The following SLC39A11 variants were observed in gnomAD, a reference collection of about 807,000 sequenced individuals.
SLC39A11 encodes the protein zinc transporter ZIP11.
In SLC39A11, 33 loss-of-function variants were observed where a neutral mutation model predicts 36.1. That is an observed-to-expected ratio of 0.91 (90% CI 0.69 to 1.22). The LOEUF is 1.22. SLC39A11 is among the 50% of genes most tolerant of loss of function. The probability of loss-of-function intolerance (pLI) is 0.00; values close to 1 mark genes in which losing one functional copy is unlikely to be tolerated. For synonymous variants in SLC39A11, 166 were observed against 170.3 expected (o/e 0.97, Z 0.20); for missense variants, 432 against 430.3 (o/e 1.00, Z -0.03).
chr17:72,836,915 C>G (rs1358733294), intron 6 of SLC39A11, among the ~76,000 whole-genome samples: 1 of 152,158 alleles, frequency 6.6e-6, no homozygotes, highest in Non-Finnish European at 1.5e-5. Flanking sequence ...GAAGCAGAAG[C>G]TGTTGCATCA....
intron 6 of SLC39A11, among the ~76,000 whole-genome samples, chr17:72,760,418 GC>G (rs1357731462): frequency 6.6e-6 from 1 of 152,196 alleles, no homozygotes; most frequent in African/African-American, 2.4e-5. Context: ...ATCCATCTGA[GC>G]CTTTTGCTCC....
chr17:72,912,759 G>A (rs1405647925), intron 5 of SLC39A11, among the ~76,000 whole-genome samples: 1 of 152,176 alleles, frequency 6.6e-6, no homozygotes, highest in Non-Finnish European at 1.5e-5. Context: ...AGCTGACATG[G>A]AGAAGGCAGA....
At chr17:73,070,994 T>C (rs182687505) in intron 3 of SLC39A11, among the ~76,000 whole-genome samples, 1 of 152,296 alleles carries the variant, frequency 6.6e-6, no homozygotes, top group Non-Finnish European at 1.5e-5. Flanking sequence ...TGCCTTATCC[T>C]AGGGTCCCTC....
At chr17:72,727,544 C>T (rs951541813) in intron 7 of SLC39A11, among the ~76,000 whole-genome samples, 3 of 148,774 alleles carry the variant, frequency 2.0e-5, no homozygotes, top group African/African-American at 4.9e-5. Context: ...CCCAGCTACT[C>T]GGGAGGCAGA....
At chr17:73,010,574 A>G (rs1345626233) in intron 4 of SLC39A11, among the ~76,000 whole-genome samples, 2 of 152,166 alleles carry the variant, frequency 1.3e-5, no homozygotes, top group African/African-American at 4.8e-5. Flanking sequence ...TCTAGATGTT[A>G]ATATTTTTTC....
chr17:72,989,050 C>A (rs2088973039), intron 4 of SLC39A11, among the ~76,000 whole-genome samples: 1 of 152,156 alleles, frequency 6.6e-6, no homozygotes, highest in South Asian at 2.1e-4. Flanking sequence ...ATCTTCATCT[C>A]TACTAAAAAG....
intron 7 of SLC39A11, among the ~76,000 whole-genome samples, chr17:72,687,335 A>G (rs1486090999): frequency 6.6e-6 from 1 of 151,860 alleles, no homozygotes; most frequent in Non-Finnish European, 1.5e-5. Context: ...GGCTCACTGC[A>G]ACCTCCGCCT....
At chr17:73,061,327 T>A (rs2059833397) in intron 3 of SLC39A11, among the ~76,000 whole-genome samples, 1 of 152,058 alleles carries the variant, frequency 6.6e-6, no homozygotes, top group Admixed American at 6.6e-5. Context: ...ACCACTGCAC[T>A]CCAGCTTGGG....
At chr17:73,018,728 C>T (rs1359434164) in intron 4 of SLC39A11, among the ~76,000 whole-genome samples, 2 of 151,880 alleles carry the variant, frequency 1.3e-5, no homozygotes, top group Non-Finnish European at 2.9e-5. Context: ...ACTCAAACTT[C>T]TTTAAGAAAA....
chr17:72,899,684 G>A (rs116617154), intron 5 of SLC39A11, among the ~76,000 whole-genome samples: 1,968 of 152,290 alleles, frequency 0.013, 53 homozygotes, highest in African/African-American at 0.042. Flanking sequence ...AGCAGGGGCC[G>A]GGCACGGTGG....
intron 4 of SLC39A11, among the ~76,000 whole-genome samples, chr17:72,982,336 T>G (rs1301947036): frequency 6.6e-6 from 1 of 152,142 alleles, no homozygotes; most frequent in Non-Finnish European, 1.5e-5. Context: ...ATAGATATGT[T>G]CACATGGACT....
At chr17:73,043,639 G>C (rs1484872970) in intron 3 of SLC39A11, among the ~76,000 whole-genome samples, 1 of 152,130 alleles carries the variant, frequency 6.6e-6, no homozygotes, top group African/African-American at 2.4e-5. Flanking sequence ...GGGGAGATGG[G>C]ACACCAACAT....
chr17:72,913,624 A>G (rs1484082735), intron 5 of SLC39A11, among the ~76,000 whole-genome samples: 1 of 152,114 alleles, frequency 6.6e-6, no homozygotes, highest in Non-Finnish European at 1.5e-5. Flanking sequence ...AACAAATGAG[A>G]GCACAGCAAG....
intron 6 of SLC39A11, among the ~76,000 whole-genome samples, chr17:72,757,860 A>C (rs895216744): frequency 6.6e-6 from 1 of 151,922 alleles, no homozygotes; most frequent in Non-Finnish European, 1.5e-5. Flanking sequence ...CTGGGGACCT[A>C]GGAGGTGCTC....
chr17:72,663,277 G>C (rs545691688), intron 7 of SLC39A11, among the ~76,000 whole-genome samples: 1 of 152,358 alleles, frequency 6.6e-6, no homozygotes, highest in African/African-American at 2.4e-5. Context: ...TAGGATTTCA[G>C]TTCCTAGGGA....
chr17:72,988,921 A>C (rs1418153983), intron 4 of SLC39A11, among the ~76,000 whole-genome samples: 1 of 152,038 alleles, frequency 6.6e-6, no homozygotes, highest in African/African-American at 2.4e-5. Context: ...TTAAGATTAC[A>C]ATATGCAGGC....
intron 5 of SLC39A11, among the ~76,000 whole-genome samples, chr17:72,942,632 A>G: frequency 6.6e-6 from 1 of 152,234 alleles, no homozygotes; most frequent in East Asian, 1.9e-4. Flanking sequence ...GTTAGAAGAT[A>G]CAGAAAAAGA....
intron 6 of SLC39A11, among the ~76,000 whole-genome samples, chr17:72,838,410 G>A (rs533426557): frequency 2.6e-5 from 4 of 151,770 alleles, no homozygotes; most frequent in Admixed American, 2.0e-4. Context: ...TTAATTTTTC[G>A]TAGAGATGGG....
intron 3 of SLC39A11, among the ~76,000 whole-genome samples, chr17:73,041,757 C>T (rs553847949): frequency 1.3e-5 from 2 of 152,332 alleles, no homozygotes; most frequent in East Asian, 1.9e-4. Context: ...TTGTGGAAGG[C>T]TTGTAAATCA....
Sources: gnomAD v4.1 joint callset for allele counts (sites outside exome capture counted in the v4.1 genomes callset) on GRCh38, gnomAD v4.1.1 for gene constraint, MANE v1.5 for transcripts, NCBI Gene and HGNC (gene_info 2026-07-23, HGNC 2026-07-21) for gene names.